NUP37: variants seen among roughly 807,000 people sequenced by gnomAD.
NUP37 encodes the protein nucleoporin 37.
In NUP37, 33 loss-of-function variants were observed where a neutral mutation model predicts 45.4. That is an observed-to-expected ratio of 0.73 (90% CI 0.55 to 0.97). The LOEUF is 0.97. Among genes scored for constraint, NUP37 ranks in the 50% least tolerant of loss-of-function variants. The probability of loss-of-function intolerance (pLI) is 0.00; values close to 1 mark genes in which losing one functional copy is unlikely to be tolerated. For synonymous variants in NUP37, 127 were observed against 130.7 expected (o/e 0.97, Z 0.19); for missense variants, 365 against 389.7 (o/e 0.94, Z 0.53).
At chr12:102,077,674 G>A (rs1044042324) in intron 6 of NUP37, among the ~76,000 whole-genome samples, 171 bp from the exon 7 acceptor site, 1 of 152,142 alleles carries the variant, frequency 6.6e-6, no homozygotes. Flanking sequence ...CTTTTTGAGT[G>A]CTAACATGAT....
At chr12:102,119,244 T>C (rs536371547) in intron 1 of NUP37, 1 of 152,210 alleles carries the variant, frequency 6.6e-6, no homozygotes, top group East Asian at 1.9e-4. Flanking sequence ...CCAAAATGTG[T>C]GATATAAAAA....
intron 5 of NUP37, among the ~76,000 whole-genome samples, chr12:102,088,703 A>G (rs1458126566): frequency 6.4e-5 from 7 of 109,026 alleles, no homozygotes; most frequent in Admixed American, 6.1e-4. Context: ...TTTTGTTTTA[A>G]TTTTTTTTTT....
intron 8 of NUP37, among the ~76,000 whole-genome samples, chr12:102,076,182 G>A (rs1485180023): frequency 6.6e-6 from 1 of 152,112 alleles, no homozygotes; most frequent in Non-Finnish European, 1.5e-5. Flanking sequence ...AACGATCCAT[G>A]GCATTCTTAC....
Position 102,120,038 on chromosome 12 carries a change from C to G in NUP37, c.-66+12G>C, listed in dbSNP as rs1457152361. ...GCATCCCGGCCTCTCGGGCTCCCAG[C>G]TCGATACGCACCGCAGAGCGCCAGG... On this transcript the variant is annotated intron_variant, in intron 1 of 9. Coordinates refer to ENST00000552283, the MANE Select transcript of NUP37 (RefSeq NM_024057.4). The G allele has an allele frequency of 1.3e-5, 2 of 153,850 alleles. No homozygotes were observed. Among genetic ancestry groups the G allele is most frequent in the Non-Finnish European group, 2.9e-5 (2 of 68,898 alleles). 9.5% of individuals were successfully genotyped at this position (153,850 alleles called of 1,614,324 possible). A position where few individuals can be genotyped will look rare whatever the true frequency, so the allele number is the denominator to read the frequency against.
chr12:102,086,953 G>A (rs527432945), intron 5 of NUP37, among the ~76,000 whole-genome samples: 1 of 152,306 alleles, frequency 6.6e-6, no homozygotes, highest in East Asian at 1.9e-4. Flanking sequence ...GCATAGTGAT[G>A]CACACTTGTA....
At chr12:102,099,040 A>G in intron 5 of NUP37, 66 bp downstream of exon 5, 1 of 1,073,056 alleles carries the variant, frequency 9.3e-7, no homozygotes, top group South Asian at 1.3e-5. Flanking sequence ...TTTTTTTCTC[A>G]TTTTAAAAAT....
In NUP37 at chr12:102,076,789, T is replaced by A; in HGVS notation, c.773+8A>T. 1 of 1,612,330 alleles carries A rather than the reference T, an allele frequency of 6.2e-7. No homozygotes were observed. On this transcript the variant is annotated splice_region_variant and intron_variant, in intron 8 of 9. Coordinates refer to ENST00000552283, the MANE Select transcript of NUP37 (RefSeq NM_024057.4). ...CAAATCACAGCTCCAACAAAAACGG[T>A]ACATTACCTGAATAAGCAGGCTCGA... is the stretch of plus-strand genomic sequence containing the variant.
intron 3 of NUP37, 26 bp from the exon 4 acceptor site, chr12:102,101,130 C>T (rs1879960863): frequency 2.1e-6 from 3 of 1,431,152 alleles, no homozygotes; most frequent in African/African-American, 1.4e-5. Flanking sequence ...CAAAAATATA[C>T]CAATTTTTAG....
intron 5 of NUP37, among the ~76,000 whole-genome samples, chr12:102,087,267 A>G (rs1323824770): frequency 6.6e-6 from 1 of 152,248 alleles, no homozygotes; most frequent in Non-Finnish European, 1.5e-5. Flanking sequence ...ATTTATTTCA[A>G]AGAAAGTAGA....
At position 102,085,712 on chromosome 12, in the gene NUP37, A is replaced by G. The variant is rs377372903; in HGVS notation, c.540+54T>C. 81 of 826,412 alleles carry G rather than the reference A, an allele frequency of 9.8e-5. No homozygotes were observed. The East Asian group carries it at 2.1e-3, about 21-fold the overall frequency. 51.2% of individuals were successfully genotyped at this position (826,412 alleles called of 1,614,324 possible). On this transcript the variant is annotated intron_variant, in intron 6 of 9. Coordinates refer to ENST00000552283, the MANE Select transcript of NUP37 (RefSeq NM_024057.4). The stretch of plus-strand genomic sequence containing the variant: ...TCCTCCTCTATGTATGTGATGTCTT[A>G]TATCTCTATAAGTCTTTTCAATTTG...
intron 3 of NUP37, 63 bp from the exon 4 acceptor site, chr12:102,101,167 C>G: frequency 1.3e-6 from 1 of 790,018 alleles, no homozygotes; most frequent in Non-Finnish European, 2.0e-6. Context: ...GTCTCCCCCT[C>G]CCCCCCATCC....
At position 102,085,779 on chromosome 12, in the gene NUP37, T is replaced by A; in HGVS notation, c.527A>T (p.Glu176Val). Residue 176 changes from glutamate to valine, a missense_variant, in exon 6 of 10, where the codon GAG (glutamate) becomes GTG (valine). By Grantham distance (121) the Glu-to-Val change is moderately radical. Coordinates refer to ENST00000552283, the MANE Select transcript of NUP37 (RefSeq NM_024057.4). ...ATAAATAATAACCTTAAAAGTCTCC[T>A]CAGGATGCCAGCACACACTCATGCC... Reference protein sequence around the residue: ...SPGMSVCWHPEETFKLMVAEK... With the variant: ...SPGMSVCWHPVETFKLMVAEK... 6.4e-7 allele frequency: 1 copy of A among 1,565,780 alleles called. No homozygotes were observed. Among genetic ancestry groups the A allele is most frequent in the Non-Finnish European group, 8.8e-7 (1 of 1,141,460 alleles).
intron 5 of NUP37, among the ~76,000 whole-genome samples, chr12:102,092,754 T>C (rs1486378343): frequency 6.6e-6 from 1 of 152,088 alleles, no homozygotes; most frequent in East Asian, 1.9e-4. Flanking sequence ...ATGGGTAGGT[T>C]AGAGTTGGTA....
At position 102,082,671 on chromosome 12, in the gene NUP37, T is replaced by C. The variant is rs544093751; in HGVS notation, c.540+3095A>G. ...TGACTCCAGGCAGTTAATTCAAGAG[T>C]CCACACTCTTAACCACTTCTCTGTA... On this transcript the variant is annotated intron_variant, in intron 6 of 9. Coordinates refer to ENST00000552283, the MANE Select transcript of NUP37 (RefSeq NM_024057.4). 9.9e-5 allele frequency among the ~76,000 whole-genome samples: 15 copies of C among 152,170 alleles called. No homozygotes were observed. In the East Asian group the frequency reaches 2.9e-3, roughly 29 times the overall value.
intron 3 of NUP37, among the ~76,000 whole-genome samples, chr12:102,108,375 A>T (rs1383049890): frequency 6.6e-6 from 1 of 152,148 alleles, no homozygotes; most frequent in Non-Finnish European, 1.5e-5. Context: ...GGCTTACACC[A>T]GTGGTTTGTC....
intron 3 of NUP37, among the ~76,000 whole-genome samples, chr12:102,105,523 C>G (rs1054688020): frequency 6.6e-6 from 1 of 151,560 alleles, no homozygotes; most frequent in African/African-American, 2.4e-5. Flanking sequence ...GGAGCGAAAC[C>G]CTGTCTCAAC....
At chr12:102,108,888 T>C (rs916054826) in intron 3 of NUP37, among the ~76,000 whole-genome samples, 32 of 152,352 alleles carry the variant, frequency 2.1e-4, no homozygotes, top group Non-Finnish European at 4.4e-4. Flanking sequence ...AAAGCTATTT[T>C]GGAAGTTGTT....
chr12:102,084,964 A>AT (rs1417742546), intron 6 of NUP37, among the ~76,000 whole-genome samples: 7 of 152,198 alleles, frequency 4.6e-5, no homozygotes, highest in African/African-American at 1.7e-4. Context: ...CTTGTAGTGT[A>AT]TTTTTAGTAT....
chr12:102,082,625 G>T (rs572763363), intron 6 of NUP37, among the ~76,000 whole-genome samples: 1 of 152,202 alleles, frequency 6.6e-6, no homozygotes, highest in African/African-American at 2.4e-5. Context: ...CACACAGCTA[G>T]TAAGTGGTGA....
Sources: gnomAD v4.1 joint callset for allele counts (sites outside exome capture counted in the v4.1 genomes callset) on GRCh38, gnomAD v4.1.1 for gene constraint, MANE v1.5 for transcripts, NCBI Gene and HGNC (gene_info 2026-07-23, HGNC 2026-07-21) for gene names.